Variants in PLD5 observed in about 807,000 individuals in gnomAD.
The protein encoded by PLD5 is phospholipase D family member 5.
A neutral mutation model predicts 61.1 loss-of-function variants in PLD5; 36 were observed. The observed-to-expected ratio is 0.59, with a 90% CI of 0.45 to 0.78. The LOEUF (loss-of-function observed/expected upper bound fraction) is 0.78, where lower values mean the gene tolerates loss of function less well. Among genes scored for constraint, PLD5 ranks in the 30% least tolerant of loss-of-function variants. PLD5 has a pLI of 0.00. For synonymous variants in PLD5, 243 were observed against 242.8 expected, an observed-to-expected ratio of 1.00 and a Z score of -0.01; for missense variants, 515 against 644.4, an observed-to-expected ratio of 0.80 and a Z score of 2.17.
chr1:242,271,262 G>A (rs1462801429), intron 3 of PLD5, among the ~76,000 whole-genome samples: 1 of 144,846 alleles, frequency 6.9e-6, no homozygotes, highest in Non-Finnish European at 1.5e-5. Context: ...GGGGAATCAG[G>A]GGAAAAGGCT....
At chr1:242,122,871 T>G (rs1019526861) in intron 6 of PLD5, among the ~76,000 whole-genome samples, 2 of 152,222 alleles carry the variant, frequency 1.3e-5, no homozygotes, top group African/African-American at 4.8e-5. Flanking sequence ...ACAATTCACT[T>G]TATCTTCAAC....
intron 4 of PLD5, among the ~76,000 whole-genome samples, chr1:242,253,814 CTA>C (rs1672857629): frequency 1.3e-5 from 2 of 152,248 alleles, no homozygotes; most frequent in African/African-American, 4.8e-5. Context: ...GCACAAGATT[CTA>C]TGTTTTAGAG....
intron 2 of PLD5, 146 bp from the exon 3 acceptor site, chr1:242,288,676 C>T (rs1675173275): frequency 4.9e-6 from 7 of 1,414,224 alleles, no homozygotes; most frequent in South Asian, 3.2e-5. Context: ...ATATTTTTTC[C>T]ACAAAAGTCT....
intron 5 of PLD5, among the ~76,000 whole-genome samples, chr1:242,186,972 T>C (rs938966993): frequency 1.6e-4 from 25 of 152,220 alleles, no homozygotes; most frequent in Non-Finnish European, 1.6e-4. Context: ...AATTTTTCAC[T>C]GATATAAAAG....
intron 1 of PLD5, among the ~76,000 whole-genome samples, chr1:242,393,877 T>G (rs188090421): frequency 6.8e-6 from 1 of 146,482 alleles, no homozygotes; most frequent in Non-Finnish European, 1.5e-5. Flanking sequence ...CTGGCCAACA[T>G]GGTGAAACCC....
chr1:242,188,909 A>T (rs945291321), intron 5 of PLD5: 8 of 152,242 alleles, frequency 5.3e-5, no homozygotes, highest in African/African-American at 1.9e-4. Flanking sequence ...TCAAGCACAC[A>T]GACACACAGA....
At chr1:242,291,532 T>C (rs1032502556) in intron 2 of PLD5, among the ~76,000 whole-genome samples, 2 of 151,896 alleles carry the variant, frequency 1.3e-5, no homozygotes, top group Non-Finnish European at 2.9e-5. Context: ...ACGGGCCAGG[T>C]GCGGTGGCTC....
At chr1:242,190,726 T>G (rs1330450887) in intron 5 of PLD5, among the ~76,000 whole-genome samples, 1 of 150,818 alleles carries the variant, frequency 6.6e-6, no homozygotes, top group Non-Finnish European at 1.5e-5. Flanking sequence ...TTAAAAAAAT[T>G]AAAACAAACA....
At chr1:242,159,961 C>A (rs915745279) in intron 5 of PLD5, among the ~76,000 whole-genome samples, 1 of 152,116 alleles carries the variant, frequency 6.6e-6, no homozygotes, top group Non-Finnish European at 1.5e-5. Flanking sequence ...GTAGACAACA[C>A]TTGCTTTTAG....
chr1:242,398,188 A>C (rs992829154), intron 1 of PLD5, among the ~76,000 whole-genome samples: 1 of 152,236 alleles, frequency 6.6e-6, no homozygotes, highest in African/African-American at 2.4e-5. Flanking sequence ...TTTATATCCT[A>C]AGTGTATTGA....
At chr1:242,328,602 A>T (rs543351904) in intron 2 of PLD5, among the ~76,000 whole-genome samples, 13 of 152,354 alleles carry the variant, frequency 8.5e-5, no homozygotes, top group African/African-American at 2.9e-4. Flanking sequence ...CTTAAAACAC[A>T]GTGATGAGTT....
At chr1:242,245,488 G>A (rs968085897) in intron 4 of PLD5, among the ~76,000 whole-genome samples, 6 of 152,228 alleles carry the variant, frequency 3.9e-5, no homozygotes, top group African/African-American at 1.4e-4. Flanking sequence ...TGGGGATGCA[G>A]CGGCGTAGGC....
chr1:242,481,518 G>A (rs1259794286), intron 1 of PLD5, among the ~76,000 whole-genome samples: 2 of 152,190 alleles, frequency 1.3e-5, no homozygotes, highest in Non-Finnish European at 2.9e-5. Context: ...GGGGAGGGGC[G>A]CCTGCCATTG....
intron 1 of PLD5, among the ~76,000 whole-genome samples, chr1:242,429,950 C>T (rs1329585670): frequency 1.3e-5 from 2 of 152,192 alleles, no homozygotes; most frequent in Non-Finnish European, 2.9e-5. Flanking sequence ...CATGCCCCAA[C>T]ACAGACATAC....
intron 1 of PLD5, among the ~76,000 whole-genome samples, chr1:242,354,067 A>C (rs1176331644): frequency 4.0e-5 from 6 of 151,718 alleles, no homozygotes; most frequent in Middle Eastern, 3.2e-3. Flanking sequence ...AGGAAGACTT[A>C]CTTCCTGGTC....
chr1:242,329,698 C>T (rs573609494), intron 2 of PLD5, among the ~76,000 whole-genome samples: 9 of 152,188 alleles, frequency 5.9e-5, no homozygotes, highest in East Asian at 5.8e-4. Flanking sequence ...TCCATATCAT[C>T]GGGGGAGTTT....
chr1:242,100,805 G>A (rs1660628006), intron 8 of PLD5, 23 bp from the exon 9 acceptor site: 3 of 1,482,142 alleles, frequency 2.0e-6, no homozygotes, highest in Admixed American at 1.7e-5. Flanking sequence ...AAAAAAGGGG[G>A]CAGGTAAATA....
chr1:242,289,707 T>C (rs910723005), intron 2 of PLD5, among the ~76,000 whole-genome samples: 3 of 152,166 alleles, frequency 2.0e-5, no homozygotes, highest in Admixed American at 6.5e-5. Flanking sequence ...ACCTGTTAGG[T>C]GCTTCCAGAA....
intron 2 of PLD5, among the ~76,000 whole-genome samples, chr1:242,323,199 G>C (rs1405323577): frequency 6.7e-6 from 1 of 149,326 alleles, no homozygotes; most frequent in South Asian, 2.1e-4. Flanking sequence ...ATAGAGACAA[G>C]GGGAAAAAAA....
Sources: allele counts gnomAD v4.1 joint callset (sites outside exome capture counted in the v4.1 genomes callset), GRCh38; gene constraint gnomAD v4.1.1; transcripts MANE v1.5; gene names NCBI Gene and HGNC (gene_info 2026-07-23, HGNC 2026-07-21).